Variants in CTNND2 observed in about 807,000 individuals in gnomAD.
CTNND2 encodes catenin delta-2.
In CTNND2, 22 loss-of-function variants were observed where a neutral mutation model predicts 144.4. The ratio of observed to expected loss-of-function variants is 0.15; its 90% CI spans 0.11 to 0.22. CTNND2 has a LOEUF of 0.22. Ranked by LOEUF, CTNND2 falls within the 10% of genes least tolerant of loss-of-function variation. The probability of loss-of-function intolerance (pLI) is 1.00; values close to 1 mark genes in which losing one functional copy is unlikely to be tolerated. For missense variants in CTNND2, 1,353 were observed against 1,618.8 expected (o/e 0.84, Z 2.82); for synonymous variants, 751 against 695.6 (o/e 1.08, Z -1.25).
chr5:11,166,546 C>CA (rs1242896433), intron 11 of CTNND2, among the ~76,000 whole-genome samples: 1 of 151,094 alleles, frequency 6.6e-6, no homozygotes, highest in African/African-American at 2.4e-5. Context: ...CACGCCCGGC[C>CA]AAAAAAAGTT....
chr5:11,542,360 C>CA (rs1774840130), intron 3 of CTNND2, among the ~76,000 whole-genome samples: 3 of 152,080 alleles, frequency 2.0e-5, no homozygotes, highest in African/African-American at 7.2e-5. Flanking sequence ...TGCTCATTTT[C>CA]TGGGTAAATT....
At chr5:11,236,427 G>A (rs1432226191) in intron 10 of CTNND2, among the ~76,000 whole-genome samples, 1 of 152,144 alleles carries the variant, frequency 6.6e-6, no homozygotes, top group Non-Finnish European at 1.5e-5. Flanking sequence ...TCCAAGTATG[G>A]CATTTGACAA....
intron 11 of CTNND2, among the ~76,000 whole-genome samples, chr5:11,181,109 G>A (rs1050101898): frequency 8.5e-5 from 13 of 152,128 alleles, no homozygotes; most frequent in Middle Eastern, 3.2e-3. Flanking sequence ...ACCAGCCAGC[G>A]GGTACCAGGA....
chr5:11,638,162 C>T (rs80088375), intron 2 of CTNND2, among the ~76,000 whole-genome samples: 9,087 of 152,096 alleles, frequency 0.06, 567 homozygotes, highest in East Asian at 0.18. Flanking sequence ...ATGGCTTGTG[C>T]CCATGCCTGT....
At chr5:11,875,422 A>G (rs1735489028) in intron 1 of CTNND2, among the ~76,000 whole-genome samples, 1 of 152,172 alleles carries the variant, frequency 6.6e-6, no homozygotes, top group Admixed American at 6.5e-5. Context: ...CATTTTACAC[A>G]TTTGGGATTA....
chr5:11,751,441 A>G (rs113881005), intron 1 of CTNND2, among the ~76,000 whole-genome samples: 5 of 151,878 alleles, frequency 3.3e-5, no homozygotes, highest in Non-Finnish European at 5.9e-5. Flanking sequence ...TTGTGTCCAC[A>G]TGTACTCAAT....
At chr5:11,817,974 A>G (rs1159621765) in intron 1 of CTNND2, among the ~76,000 whole-genome samples, 1 of 131,624 alleles carries the variant, frequency 7.6e-6, no homozygotes, top group African/African-American at 2.8e-5. Flanking sequence ...GATACGTATT[A>G]TGAGGTGTTT....
intron 2 of CTNND2, among the ~76,000 whole-genome samples, chr5:11,721,920 A>T (rs957531481): frequency 6.6e-6 from 1 of 152,204 alleles, no homozygotes; most frequent in Non-Finnish European, 1.5e-5. Flanking sequence ...GGAGAGGATC[A>T]GATTCTCATC....
At chr5:11,567,161 A>T (rs1219120762) in intron 2 of CTNND2, among the ~76,000 whole-genome samples, 1 of 149,004 alleles carries the variant, frequency 6.7e-6, no homozygotes, top group African/African-American at 2.5e-5. Flanking sequence ...GTATTTTTTT[A>T]TTTTTTTTTT....
At chr5:11,081,108 TCACACA>T (rs1749526081) in intron 16 of CTNND2, among the ~76,000 whole-genome samples, 1 of 67,012 alleles carries the variant, frequency 1.5e-5, no homozygotes, top group South Asian at 5.6e-4. Flanking sequence ...ACACACACAC[TCACACA>T]CACACACAAA....
In CTNND2 at chr5:11,665,041, T is replaced by C. The variant is rs553159603; in HGVS notation, c.174+67095A>G. Among the ~76,000 whole-genome samples the C allele has an allele frequency of 3.3e-5, 5 of 152,298 alleles. No individual in the cohort carries two copies. In the East Asian group the frequency reaches 7.7e-4, roughly 23 times the overall value. On this transcript the variant is annotated intron_variant, in intron 2 of 21. Transcript: ENST00000304623. Reference sequence around the variant, plus strand: ...ACTCGAGTTGCCAGCCTTCTTTTGATGGTGAGCATCAAAAGATGCTGATGG... The same window carrying C: ...ACTCGAGTTGCCAGCCTTCTTTTGACGGTGAGCATCAAAAGATGCTGATGG...
At chr5:11,621,915 C>T (rs1780863730) in intron 2 of CTNND2, among the ~76,000 whole-genome samples, 1 of 152,148 alleles carries the variant, frequency 6.6e-6, no homozygotes, top group African/African-American at 2.4e-5. Flanking sequence ...CTTCCCTTGT[C>T]CCAAACTCTT....
chr5:11,377,865 T>C (rs977618012), intron 7 of CTNND2, among the ~76,000 whole-genome samples: 5 of 152,290 alleles, frequency 3.3e-5, no homozygotes, highest in Admixed American at 1.3e-4. Flanking sequence ...GTAAGTAGAA[T>C]AGAGGTGCTA....
At chr5:11,863,782 A>C (rs1450968399) in intron 1 of CTNND2, among the ~76,000 whole-genome samples, 1 of 152,210 alleles carries the variant, frequency 6.6e-6, no homozygotes, top group African/African-American at 2.4e-5. Context: ...TTAACACAAG[A>C]TAATAGGCAA....
intron 9 of CTNND2, among the ~76,000 whole-genome samples, chr5:11,318,704 A>G (rs1751741656): frequency 6.6e-6 from 1 of 151,884 alleles, no homozygotes; most frequent in South Asian, 2.1e-4. Context: ...TCCTTTTCCC[A>G]TAGGTAAGAT....
chr5:11,243,041 T>C (rs965438286), intron 9 of CTNND2, among the ~76,000 whole-genome samples: 1 of 152,222 alleles, frequency 6.6e-6, no homozygotes, highest in Non-Finnish European at 1.5e-5. Flanking sequence ...TTAAAATCTA[T>C]GTAATACCGC....
At chr5:11,816,658 AGAGAGGAG>A (rs1328114978) in intron 1 of CTNND2, among the ~76,000 whole-genome samples, 1 of 8,804 alleles carries the variant, frequency 1.1e-4, no homozygotes, top group African/African-American at 3.5e-4. Flanking sequence ...AGAGAGAGAG[AGAGAGGAG>A]GAGAGAGAGA....
At chr5:11,163,956 T>C (rs1359611675) in intron 11 of CTNND2, among the ~76,000 whole-genome samples, 1 of 152,152 alleles carries the variant, frequency 6.6e-6, no homozygotes, top group African/African-American at 2.4e-5. Flanking sequence ...TATAGGTTTG[T>C]GTTTGGAGGG....
chr5:11,346,437 A>G lies in CTNND2; in HGVS notation c.1563T>C (p.Pro521=). Residue 521 remains proline, a synonymous_variant, in exon 9 of 22, where the codon CCT becomes CCC. Coordinates refer to ENST00000304623, the MANE Select transcript of CTNND2 (RefSeq NM_001332.4). ...SVESPYSKSG[P]ALPPEGTLAR... is the part of the protein sequence containing the mutation. ...CCAAGGTGCCTTCAGGCGGGAGAGC[A>G]GGGCCGGATTTGCTGTATGGAGACT... is the stretch of plus-strand genomic sequence containing the variant. 6.4e-7 allele frequency: 1 copy of G among 1,559,642 alleles called. No individual in the cohort carries two copies. The highest frequency in any genetic ancestry group is 8.7e-7 in the Non-Finnish European group (1 of 1,149,434).
Sources: gnomAD v4.1 joint callset for allele counts (sites outside exome capture counted in the v4.1 genomes callset) on GRCh38, gnomAD v4.1.1 for gene constraint, MANE v1.5 for transcripts, NCBI Gene and HGNC (gene_info 2026-07-23, HGNC 2026-07-21) for gene names.